Variants in PDE4D observed in about 807,000 individuals in gnomAD.
PDE4D encodes phosphodiesterase 4D.
A neutral mutation model predicts 87.4 loss-of-function variants in PDE4D; 24 were observed. The ratio of observed to expected loss-of-function variants is 0.27; its 90% confidence interval spans 0.20 to 0.39. PDE4D has a LOEUF of 0.39. Among genes scored for constraint, PDE4D ranks in the 10% least tolerant of loss-of-function variants. The probability of loss-of-function intolerance (pLI) is 1.00; values close to 1 mark genes in which losing one functional copy is unlikely to be tolerated. For synonymous variants in PDE4D, 384 were observed against 383.2 expected, an observed-to-expected ratio of 1.00 and a Z score of -0.02; for missense variants, 714 against 1,041.0, an observed-to-expected ratio of 0.69 and a Z score of 4.32.
chr5:59,893,845 G>A, upstream of PDE4D: 1 of 1,309,696 alleles, frequency 7.6e-7, no homozygotes, highest in Non-Finnish European at 9.7e-7. Context: ...CTTCCACCGA[G>A]GCTATGGCAG....
chr5:59,442,609 G>A (rs1275277698), intron 1 of PDE4D, among the ~76,000 whole-genome samples: 2 of 152,144 alleles, frequency 1.3e-5, no homozygotes, highest in Non-Finnish European at 2.9e-5. Flanking sequence ...ATGTTTTGGA[G>A]ACTTTCTGCA....
chr5:60,343,165 T>C (rs1758449599), intron 1 of PDE4D, among the ~76,000 whole-genome samples: 1 of 152,194 alleles, frequency 6.6e-6, no homozygotes, highest in Non-Finnish European at 1.5e-5. Context: ...ATTTTTATCA[T>C]GCTCCTAAAA....
chr5:60,482,429 A>T (rs983328397), intron 1 of PDE4D, among the ~76,000 whole-genome samples: 1 of 152,216 alleles, frequency 6.6e-6, no homozygotes, highest in Admixed American at 6.5e-5. Context: ...CCAGACACAA[A>T]TAGGACTATA....
chr5:59,027,756 A>G (rs959670571), intron 6 of PDE4D, among the ~76,000 whole-genome samples: 1 of 152,020 alleles, frequency 6.6e-6, no homozygotes, highest in Non-Finnish European at 1.5e-5. Context: ...CTCATCTTAC[A>G]TATTTCCTTC....
chr5:58,988,451 T>C (rs1047081907), intron 11 of PDE4D, 42 bp downstream of exon 11: 21 of 830,688 alleles, frequency 2.5e-5, no homozygotes, highest in African/African-American at 5.2e-5. Context: ...TTCTAAAATG[T>C]ACAAGGGAAA....
intron 1 of PDE4D, among the ~76,000 whole-genome samples, chr5:60,359,820 T>C (rs1270787160): frequency 1.3e-5 from 2 of 152,228 alleles, no homozygotes; most frequent in Non-Finnish European, 2.9e-5. Context: ...CCACCTGTTC[T>C]CTTTCTTATC....
At chr5:59,122,191 G>C (rs1289910734) in intron 5 of PDE4D, among the ~76,000 whole-genome samples, 1 of 124,160 alleles carries the variant, frequency 8.1e-6, no homozygotes, top group South Asian at 2.8e-4. Context: ...AAGAAAGAAA[G>C]AAAACATGGT....
intron 2 of PDE4D, among the ~76,000 whole-genome samples, chr5:60,115,235 C>G (rs964078636): frequency 6.6e-6 from 1 of 151,946 alleles, no homozygotes; most frequent in South Asian, 2.1e-4. Context: ...TGTGTGTCAC[C>G]GTCCTTTAAT....
intron 1 of PDE4D, among the ~76,000 whole-genome samples, chr5:59,892,548 A>T (rs1260987747): frequency 7.2e-6 from 1 of 138,536 alleles, no homozygotes; most frequent in Non-Finnish European, 1.5e-5. Context: ...TTTGCTCCAA[A>T]CTCTCCAAGT....
intron 3 of PDE4D, among the ~76,000 whole-genome samples, chr5:59,186,558 G>C (rs1015189875): frequency 6.6e-6 from 1 of 152,190 alleles, no homozygotes. Context: ...ATCTGGCACA[G>C]ACCTAGACTA....
intron 2 of PDE4D, among the ~76,000 whole-genome samples, chr5:60,036,554 A>C (rs930828367): frequency 3.4e-4 from 52 of 152,230 alleles, no homozygotes; most frequent in Admixed American, 3.1e-3. Flanking sequence ...ATATCCAAGA[A>C]GGCACATAAA....
At chr5:59,370,098 T>A (rs2153598088) in intron 1 of PDE4D, among the ~76,000 whole-genome samples, 1 of 152,330 alleles carries the variant, frequency 6.6e-6, no homozygotes, top group South Asian at 2.1e-4. Flanking sequence ...CCATCTCCAC[T>A]GCCATCACCC....
At chr5:60,214,463 C>T (rs911590060) in intron 1 of PDE4D, among the ~76,000 whole-genome samples, 2 of 152,042 alleles carry the variant, frequency 1.3e-5, no homozygotes, top group African/African-American at 2.4e-5. Flanking sequence ...TTGTTACCTA[C>T]GAGTAAGGTG....
intron 1 of PDE4D, among the ~76,000 whole-genome samples, chr5:59,413,990 T>C (rs1179813581): frequency 6.6e-6 from 1 of 152,204 alleles, no homozygotes; most frequent in East Asian, 1.9e-4. Flanking sequence ...TATGCATTTG[T>C]TTCAGTCCAG....
intron 1 of PDE4D, among the ~76,000 whole-genome samples, chr5:59,365,925 G>C (rs528030564): frequency 2.0e-5 from 3 of 152,132 alleles, no homozygotes; most frequent in Admixed American, 6.6e-5. Context: ...ATCAGTCCTG[G>C]AATAGTCCAG....
chr5:59,660,265 C>A (rs1254764819), intron 1 of PDE4D, among the ~76,000 whole-genome samples: 1 of 152,060 alleles, frequency 6.6e-6, no homozygotes, highest in Non-Finnish European at 1.5e-5. Context: ...ATACATATTT[C>A]TTCTGAAGGT....
chr5:58,972,071 G>T lies in PDE4D; in HGVS notation c.*2593C>A, dbSNP rs1370138144. On this transcript the variant is annotated 3_prime_UTR_variant, in exon 15 of 15. Coordinates refer to ENST00000340635, the MANE Select transcript of PDE4D (RefSeq NM_001104631.2). ...TAAACCCTTTACCCTTTCAGGTCTG[G>T]ATTTGTTAATGACATATTGCTGCTT... 1.3e-5 allele frequency: 2 copies of T among 152,440 alleles called. No homozygotes were observed. The highest frequency in any genetic ancestry group is 4.8e-5 in the African/African-American group (2 of 41,386). The allele number at this position is 152,440 out of a possible 1,614,324, so 9.4% of individuals were successfully genotyped here.
chr5:59,625,732 C>A (rs535475299), intron 1 of PDE4D, among the ~76,000 whole-genome samples: 1 of 152,088 alleles, frequency 6.6e-6, no homozygotes, highest in Non-Finnish European at 1.5e-5. Flanking sequence ...ATTAAAAGAA[C>A]ATTCTCTTTC....
At chr5:60,322,686 T>C (rs1756422320) in intron 1 of PDE4D, among the ~76,000 whole-genome samples, 1 of 152,172 alleles carries the variant, frequency 6.6e-6, no homozygotes, top group Non-Finnish European at 1.5e-5. Flanking sequence ...AATTAAGTCT[T>C]TACCAATGGC....
Sources: allele counts gnomAD v4.1 joint callset (sites outside exome capture counted in the v4.1 genomes callset), GRCh38; gene constraint gnomAD v4.1.1; transcripts MANE v1.5; gene names NCBI Gene and HGNC (gene_info 2026-07-23, HGNC 2026-07-21).